Variants in ADGRB2 observed in about 807,000 individuals in gnomAD.
ADGRB2 encodes adhesion G protein-coupled receptor B2, also known as brain-specific angiogenesis inhibitor 2.
In ADGRB2, 47 loss-of-function variants were observed where a neutral mutation model predicts 178.7. The ratio of observed to expected loss-of-function variants is 0.26; its 90% CI spans 0.21 to 0.34. The LOEUF is 0.34. Among genes scored for constraint, ADGRB2 ranks in the 10% least tolerant of loss-of-function variants. ADGRB2 has a pLI of 1.00. For missense variants in ADGRB2, 1,584 were observed against 2,180.8 expected (o/e 0.73, Z 5.45); for synonymous variants, 870 against 912.4 (o/e 0.95, Z 0.84).
In ADGRB2 at chr1:31,728,172, G is replaced by A. The variant is rs188544949; in HGVS notation, c.4515+10C>T. The A allele has an allele frequency of 4.5e-3, 7,329 of 1,614,116 alleles. 22 individuals are homozygous for A. Among genetic ancestry groups the A allele is most frequent in the Middle Eastern group, 8.6e-3 (52 of 6,060 alleles). The stretch of plus-strand genomic sequence containing the variant: ...TTCAGGGCAGGGGCAGCCACGGGAG[G>A]AGCCCTCACCTTGGCCGTGGACTGG... On this transcript the variant is annotated intron_variant, in intron 31 of 32. Transcript: ENST00000373658. This position sits in a 1 kb window ranked among gnomAD's most constrained non-coding sequence, Gnocchi z 6.7.
intron 4 of ADGRB2, among the ~76,000 whole-genome samples, chr1:31,750,773 G>A (rs1045786204): frequency 2.0e-5 from 3 of 152,060 alleles, no homozygotes; most frequent in Non-Finnish European, 4.4e-5. Flanking sequence ...ATCACAGGGC[G>A]CAGTGGGGGA....
chr1:31,748,692 A>C (rs1386566261), intron 4 of ADGRB2, among the ~76,000 whole-genome samples: 9 of 152,284 alleles, frequency 5.9e-5, no homozygotes, highest in African/African-American at 2.2e-4. Flanking sequence ...GCAGTCCTGC[A>C]ATCTATCAGC....
At position 31,732,968 on chromosome 1, in the gene ADGRB2, C is replaced by G; in HGVS notation, c.3624+4G>C. ...ACACACAGGCGGGAGAGGCCCAGCCCCACCTCTCGGCGCAGGAAGCAGTGC... is the reference window on the plus strand; with the variant it reads ...ACACACAGGCGGGAGAGGCCCAGCCGCACCTCTCGGCGCAGGAAGCAGTGC... On this transcript the variant is annotated splice_donor_region_variant and intron_variant, in intron 26 of 32. Transcript: ENST00000373658. 1 of 1,552,064 alleles carries G rather than the reference C, an allele frequency of 6.4e-7. No individual in the cohort carries two copies. The highest frequency in any genetic ancestry group is 8.7e-7 in the Non-Finnish European group (1 of 1,147,938).
In ADGRB2 at chr1:31,731,333, T is replaced by C. The variant is rs760214157; in HGVS notation, c.3847A>G (p.Lys1283Glu). The C allele has an allele frequency of 6.2e-7, 1 of 1,612,924 alleles. No individual in the cohort carries two copies. The highest frequency in any genetic ancestry group is 2.2e-5 in the East Asian group (1 of 44,870). ...CCCTCAGGGCCCACGAGGCAGGACT[T>C]GGGCTCCTCATCCTCATCCAGGGAC... Reference protein sequence around the residue: ...RLSLDEDEEPKSCLVGPEGSL... With the variant: ...RLSLDEDEEPESCLVGPEGSL... Residue 1283 changes from lysine (K) to glutamate (E), a missense_variant, in exon 29 of 33, where the codon AAG becomes GAG. Coordinates refer to ENST00000373658, the MANE Select transcript of ADGRB2 (RefSeq NM_001364857.2).
rs990144639 is a variant in ADGRB2, at chr1:31,733,404, G to A, written c.3453-261C>T. Among the ~76,000 whole-genome samples the A allele has an allele frequency of 5.9e-5, 9 of 152,216 alleles. No individual in the cohort carries two copies. Among genetic ancestry groups the A allele is most frequent in the South Asian group, 2.1e-4 (1 of 4,830 alleles). On this transcript the variant is annotated intron_variant, in intron 25 of 32. Transcript: ENST00000373658. The surrounding 1 kb of genome is among the most constrained non-coding windows in gnomAD (Gnocchi z 4.3). ...AAGGACACGCAGACACAGTGGGACC[G>A]AGCCACAGACAGTGGAAAGGGACGG...
At position 31,737,367 on chromosome 1, in the gene ADGRB2, C is replaced by T. The variant is rs1049192986; in HGVS notation, c.2979+62G>A. On this transcript the variant is annotated intron_variant, in intron 20 of 32. Coordinates refer to ENST00000373658, the MANE Select transcript of ADGRB2 (RefSeq NM_001364857.2). ...CGTACAAGCAAACACACACACTGCG[C>T]TCTCCACCCTCACCCCTCCACCCCA... 46 of 1,468,066 alleles carry T rather than the reference C, an allele frequency of 3.1e-5. No individual in the cohort carries two copies. The East Asian group carries it at 1.0e-3, about 33-fold the overall frequency. The allele number at this position is 1,468,066 out of a possible 1,614,324, so 90.9% of individuals were successfully genotyped here. A position where few individuals can be genotyped will look rare whatever the true frequency, so the allele number is the denominator to read the frequency against.
rs1419696494 is a variant in ADGRB2 at position 31,740,515 on chromosome 1, C to A, written c.1821G>T (p.Gln607His). 1.2e-6 allele frequency: 2 copies of A among 1,610,878 alleles called. No individual in the cohort carries two copies. The highest frequency in any genetic ancestry group is 1.1e-5 in the South Asian group (1 of 90,720). Residue 607 changes from glutamine (Q) to histidine (H), a missense_variant, in exon 12 of 33, where the codon CAG (glutamine) becomes CAT (histidine). Coordinates refer to ENST00000373658, the MANE Select transcript of ADGRB2 (RefSeq NM_001364857.2). This position sits in a 1 kb window ranked among gnomAD's most constrained non-coding sequence, Gnocchi z 5.9. ...ACATGCCCTCGCCTGCCAGCATGCG[C>A]TGCCCCTTGGCCAGGTGCTCCCTAA... ...LSLREHLAKG[Q>H]RMLAGEGMSQ...
At chr1:31,748,391 G>C (rs1318432675) in intron 4 of ADGRB2, among the ~76,000 whole-genome samples, 2 of 152,226 alleles carry the variant, frequency 1.3e-5, no homozygotes, top group South Asian at 2.1e-4. Context: ...GAGGAGAGGA[G>C]AGGCCAGCAA....
chr1:31,763,828 C>T (rs2149083332), intron 1 of ADGRB2, 56 bp downstream of exon 1: 1 of 985,018 alleles, frequency 1.0e-6, no homozygotes, highest in Non-Finnish European at 1.2e-6. Context: ...AAACTCGGGA[C>T]CGCGCCGGCA....
chr1:31,729,834 C>T (rs983027673), intron 29 of ADGRB2, among the ~76,000 whole-genome samples: 3 of 152,280 alleles, frequency 2.0e-5, no homozygotes, highest in Non-Finnish European at 2.9e-5. Context: ...TTCTCCGACA[C>T]TGGCGTTGCA....
Position 31,764,185 on chromosome 1 carries a change from C to G in ADGRB2, c.-492G>C. 1 of 391,238 alleles carries G rather than the reference C, an allele frequency of 2.6e-6. No individual in the cohort carries two copies. Among genetic ancestry groups the G allele is most frequent in the Non-Finnish European group, 3.4e-6 (1 of 290,436 alleles). The allele number at this position is 391,238 out of a possible 1,614,324, so 24.2% of individuals were successfully genotyped here. A position where few individuals can be genotyped will look rare whatever the true frequency, so the allele number is the denominator to read the frequency against. On this transcript the variant is annotated 5_prime_UTR_variant, in exon 1 of 33. Transcript: ENST00000373658. This position sits in a 1 kb window ranked among gnomAD's most constrained non-coding sequence, Gnocchi z 7.3. ...CCCCCGCCCCGAGCACCGCCCGCGC[C>G]GCGCGCCGCCTCCTATTTGCGGGCG...
chr1:31,759,182 A>C lies in ADGRB2; in HGVS notation c.-190-1671T>G. Reference sequence around the variant, plus strand: ...TGCATATGAATGGATACATATGTACACGGACATGCACACAGGTGAAACCCA... The same window carrying C: ...TGCATATGAATGGATACATATGTACCCGGACATGCACACAGGTGAAACCCA... On this transcript the variant is annotated intron_variant, in intron 1 of 32. Coordinates refer to ENST00000373658, the MANE Select transcript of ADGRB2 (RefSeq NM_001364857.2). The surrounding 1 kb of genome is among the most constrained non-coding windows in gnomAD (Gnocchi z 4.3). The C allele has an allele frequency of 1.4e-6, 1 of 722,794 alleles. No homozygotes were observed. Among genetic ancestry groups the C allele is most frequent in the Non-Finnish European group, 2.6e-6 (1 of 385,808 alleles). 44.8% of individuals were successfully genotyped at this position (722,794 alleles called of 1,614,324 possible). A position where few individuals can be genotyped will look rare whatever the true frequency, so the allele number is the denominator to read the frequency against.
chr1:31,755,859 C>G lies in ADGRB2; in HGVS notation c.838+140G>C. 8.2e-7 allele frequency: 1 copy of G among 1,220,858 alleles called. No individual in the cohort carries two copies. Among genetic ancestry groups the G allele is most frequent in the East Asian group, 2.5e-5 (1 of 40,448 alleles). The allele number at this position is 1,220,858 out of a possible 1,614,324, so 75.6% of individuals were successfully genotyped here. ...TCTCACTGCCATGCATTTTGGTGACCGCAACATTTGGACAAGGCTCAGCAG... is the reference window on the plus strand; with the variant it reads ...TCTCACTGCCATGCATTTTGGTGACGGCAACATTTGGACAAGGCTCAGCAG... On this transcript the variant is annotated intron_variant, in intron 4 of 32. Transcript: ENST00000373658. The surrounding 1 kb of genome is among the most constrained non-coding windows in gnomAD (Gnocchi z 5.1).
intron 25 of ADGRB2, among the ~76,000 whole-genome samples, chr1:31,734,657 G>A (rs558071525): frequency 1.4e-4 from 22 of 152,296 alleles, no homozygotes; most frequent in Non-Finnish European, 2.5e-4. Flanking sequence ...ATGCTAGGGC[G>A]GGGGTCTCAG....
chr1:31,730,888 C>T lies in ADGRB2; in HGVS notation c.4292G>A (p.Ser1431Asn), dbSNP rs903699702. The change falls in exon 29 of 33, where the codon AGC becomes AAC. Residue 1431 changes from serine (S) to asparagine (N), a missense_variant. Ser to Asn is a conservative substitution (Grantham distance 46). Coordinates refer to ENST00000373658, the MANE Select transcript of ADGRB2 (RefSeq NM_001364857.2). Reference sequence around the variant, plus strand: ...CCCTGGCTCGGGCACTTGGCGGGCGCTGGGTGTCGGCGGTGGCGGTTGGAA... The same window carrying T: ...CCCTGGCTCGGGCACTTGGCGGGCGTTGGGTGTCGGCGGTGGCGGTTGGAA... Reference protein sequence around the residue: ...MTFQPPPPTPSARQVPEPGER... With the variant: ...MTFQPPPPTPNARQVPEPGER... 2 of 1,575,620 alleles carry T rather than the reference C, an allele frequency of 1.3e-6. No individual in the cohort carries two copies. The highest frequency in any genetic ancestry group is 4.5e-5 in the East Asian group (2 of 44,538).
At position 31,738,634 on chromosome 1, in the gene ADGRB2, G is replaced by C. The variant is rs772917732; in HGVS notation, c.2602-4C>G. 1 of 1,612,238 alleles carries C rather than the reference G, an allele frequency of 6.2e-7. No individual in the cohort carries two copies. The highest frequency in any genetic ancestry group is 8.5e-7 in the Non-Finnish European group (1 of 1,179,190). ...CGCAATGGGGATCCGTGGTCCCCTG[G>C]GGAGCAAAAGACATGAGTGCAGTCT... On this transcript the variant is annotated splice_polypyrimidine_tract_variant and splice_region_variant and intron_variant, in intron 16 of 32. Coordinates refer to ENST00000373658, the MANE Select transcript of ADGRB2 (RefSeq NM_001364857.2).
At chr1:31,751,944 C>T (rs1646593111) in intron 4 of ADGRB2, among the ~76,000 whole-genome samples, 5 of 152,204 alleles carry the variant, frequency 3.3e-5, no homozygotes, top group African/African-American at 9.7e-5. Flanking sequence ...CACTTACTCT[C>T]ATCCTCTCAC....
At position 31,763,909 on chromosome 1, in the gene ADGRB2, G is replaced by C; in HGVS notation, c.-216C>G. On this transcript the variant is annotated 5_prime_UTR_variant, in exon 1 of 33. Transcript: ENST00000373658. ...CTGGGCGCCGTCAGCAGCAGGAGCG[G>C]GGGCCGGCGCTGGCGGGGGCGGCCA... 2 of 985,672 alleles carry C rather than the reference G, an allele frequency of 2.0e-6. No individual in the cohort carries two copies. Among genetic ancestry groups the C allele is most frequent in the Non-Finnish European group, 2.4e-6 (2 of 830,138 alleles). The allele number at this position is 985,672 out of a possible 1,614,324, so 61.1% of individuals were successfully genotyped here.
In ADGRB2 at chr1:31,764,070, C is replaced by CAGCGCG; in HGVS notation, c.-378_-377insCGCGCT. The CAGCGCG allele has an allele frequency of 1.2e-5, 1 of 82,792 alleles. No homozygotes were observed. The highest frequency in any genetic ancestry group is 2.4e-5 in the Non-Finnish European group (1 of 40,818). 5.1% of individuals were successfully genotyped at this position (82,792 alleles called of 1,614,324 possible). A position where few individuals can be genotyped will look rare whatever the true frequency, so the allele number is the denominator to read the frequency against. On this transcript the variant is annotated 5_prime_UTR_variant, in exon 1 of 33. Coordinates refer to ENST00000373658, the MANE Select transcript of ADGRB2 (RefSeq NM_001364857.2). This position sits in a 1 kb window ranked among gnomAD's most constrained non-coding sequence, Gnocchi z 7.3. ...AAAGGCGCCGCGGAGCAGCGCGGGG[C>CAGCGCG]GGGCGGGCGGGCGGCGCCGGGCCGG...
Sources: gnomAD v4.1 joint callset for allele counts (sites outside exome capture counted in the v4.1 genomes callset) on GRCh38, gnomAD v4.1.1 for gene constraint, Gnocchi (gnomAD v3.1) non-coding constraint, MANE v1.5 for transcripts, NCBI Gene and HGNC (gene_info 2026-07-23, HGNC 2026-07-21) for gene names.